GALNT9: variants seen among roughly 807,000 people sequenced by gnomAD.
The protein encoded by GALNT9 is polypeptide N-acetylgalactosaminyltransferase 9.
GALNT9 carries 47 observed loss-of-function variants against 63.1 expected under a neutral mutation model. That is an observed-to-expected ratio of 0.75 (90% CI 0.59 to 0.95). The LOEUF is 0.95. GALNT9 is among the 40% of genes least tolerant of loss of function. GALNT9 has a pLI of 0.00. For synonymous variants in GALNT9, 396 were observed against 365.7 expected (o/e 1.08, Z -0.94); for missense variants, 829 against 874.8 (o/e 0.95, Z 0.66).
In GALNT9 at chr12:132,329,457, C is replaced by T. The variant is rs1398816922; in HGVS notation, c.-254G>A. ...GCATCCCCCGCTCAGAGGGCGCGGCCCCGCCCCGGGGAGCGGTGAGGGGGG... is the reference window on the plus strand; with the variant it reads ...GCATCCCCCGCTCAGAGGGCGCGGCTCCGCCCCGGGGAGCGGTGAGGGGGG... On this transcript the variant is annotated 5_prime_UTR_variant, in exon 1 of 11. Coordinates refer to ENST00000328957, the MANE Select transcript of GALNT9 (RefSeq NM_001122636.2). 1.7e-5 allele frequency: 4 copies of T among 233,930 alleles called. No individual in the cohort carries two copies. Among genetic ancestry groups the T allele is most frequent in the Non-Finnish European group, 1.5e-5 (2 of 135,928 alleles). The allele number at this position is 233,930 out of a possible 1,614,324, so 14.5% of individuals were successfully genotyped here. A position where few individuals can be genotyped will look rare whatever the true frequency, so the allele number is the denominator to read the frequency against.
chr12:132,300,687 T>C (rs181941357), intron 1 of GALNT9, among the ~76,000 whole-genome samples: 10 of 124,822 alleles, frequency 8.0e-5, no homozygotes, highest in African/African-American at 2.6e-4. Flanking sequence ...CTGAGATAAC[T>C]CACTCCCATA....
chr12:132,319,553 G>A lies in GALNT9; in HGVS notation c.238+9413C>T, dbSNP rs1384625836. ...GGCCTCTTGGTCTGCACAGTCACGG[G>A]AGCCAATCCTCACCCTACATCTCCT... On this transcript the variant is annotated intron_variant, in intron 1 of 10. Transcript: ENST00000328957. The surrounding 1 kb of genome is among the most constrained non-coding windows in gnomAD (Gnocchi z 5.2). 1.3e-5 allele frequency among the ~76,000 whole-genome samples: 2 copies of A among 152,172 alleles called. No individual in the cohort carries two copies. The highest frequency in any genetic ancestry group is 4.8e-5 in the African/African-American group (2 of 41,446).
chr12:132,303,586 C>T (rs1881413075), intron 1 of GALNT9, among the ~76,000 whole-genome samples: 1 of 130,918 alleles, frequency 7.6e-6, no homozygotes, highest in Non-Finnish European at 1.6e-5. Context: ...GGCACACCCT[C>T]GCCCGGGCAC....
intron 5 of GALNT9, among the ~76,000 whole-genome samples, chr12:132,251,622 C>T (rs1022565406): frequency 1.3e-5 from 2 of 152,228 alleles, no homozygotes; most frequent in Non-Finnish European, 2.9e-5. Context: ...GTTCTTTGTT[C>T]CTCGGGTGAA....
At chr12:132,211,133 T>A (rs1456284997) in intron 6 of GALNT9, among the ~76,000 whole-genome samples, 2 of 152,138 alleles carry the variant, frequency 1.3e-5, no homozygotes, top group Non-Finnish European at 2.9e-5. Context: ...CTGCAAAGTT[T>A]TGCCTCATCC....
intron 6 of GALNT9, among the ~76,000 whole-genome samples, chr12:132,227,939 C>T (rs1162508736): frequency 6.6e-6 from 1 of 152,164 alleles, no homozygotes; most frequent in East Asian, 1.9e-4. Flanking sequence ...CCATCTGTCT[C>T]CTCCCTGCAG....
At chr12:132,207,350 G>A (rs552818903) in intron 6 of GALNT9, among the ~76,000 whole-genome samples, 13 of 152,334 alleles carry the variant, frequency 8.5e-5, no homozygotes, top group Admixed American at 3.3e-4. Flanking sequence ...AAATAGCTGC[G>A]GAACGAATGT....
At chr12:132,309,567 G>A (rs1881739462) in intron 1 of GALNT9, among the ~76,000 whole-genome samples, 1 of 152,154 alleles carries the variant, frequency 6.6e-6, no homozygotes, top group Non-Finnish European at 1.5e-5. Flanking sequence ...GAGAGGGCTC[G>A]GATAGTCACA....
chr12:132,210,833 C>G (rs540957235), intron 6 of GALNT9, among the ~76,000 whole-genome samples: 41 of 111,240 alleles, frequency 3.7e-4, no homozygotes, highest in Non-Finnish European at 6.8e-4. Context: ...GTCTGGAGGT[C>G]GCCGTCTGGA....
chr12:132,328,180 G>T (rs1425744389), intron 1 of GALNT9, among the ~76,000 whole-genome samples: 1 of 152,336 alleles, frequency 6.6e-6, no homozygotes, highest in East Asian at 1.9e-4. Context: ...CTCAGCAGCT[G>T]TGGCCGCTGG....
chr12:132,296,267 T>C lies in GALNT9; in HGVS notation c.239-9837A>G, dbSNP rs558094727. Among the ~76,000 whole-genome samples the C allele has an allele frequency of 7.4e-4, 112 of 152,364 alleles. 1 individual carries two copies. Among genetic ancestry groups the C allele is most frequent in the Non-Finnish European group, 1.4e-3 (96 of 68,038 alleles). ...GATCTGTCACGGCAGCCCCAAGAGA[T>C]GACCGCACAGCCTCATGCTCACGCC... On this transcript the variant is annotated intron_variant, in intron 1 of 10. Transcript: ENST00000328957. This position sits in a 1 kb window ranked among gnomAD's most constrained non-coding sequence, Gnocchi z 4.2.
chr12:132,250,625 A>G (rs1555238452), intron 5 of GALNT9, among the ~76,000 whole-genome samples: 1 of 152,196 alleles, frequency 6.6e-6, no homozygotes. Context: ...CTCCATCTCT[A>G]CTAAAAATAC....
At chr12:132,223,248 A>G (rs1383489562) in intron 6 of GALNT9, among the ~76,000 whole-genome samples, 1 of 60,850 alleles carries the variant, frequency 1.6e-5, no homozygotes, top group Non-Finnish European at 3.3e-5. Context: ...CCCACACCCC[A>G]CATACACCCC....
In GALNT9 at chr12:132,252,786, G is replaced by A. The variant is rs1383291681; in HGVS notation, c.960-4759C>T. 2.0e-5 allele frequency among the ~76,000 whole-genome samples: 3 copies of A among 152,174 alleles called. No homozygotes were observed. The highest frequency in any genetic ancestry group is 7.2e-5 in the African/African-American group (3 of 41,430). On this transcript the variant is annotated intron_variant, in intron 5 of 10. Transcript: ENST00000328957. The surrounding 1 kb of genome is among the most constrained non-coding windows in gnomAD (Gnocchi z 5.2). ...TAATCCCAGCTACTAGGGAGGCTGA[G>A]GCAGGAGAATCGCTTGAACCTGGGA... is the stretch of plus-strand genomic sequence containing the variant.
intron 8 of GALNT9, chr12:132,200,921 G>A (rs1876022048): frequency 3.5e-6 from 2 of 577,460 alleles, no homozygotes; most frequent in South Asian, 4.2e-5. Context: ...GTGTGCACGT[G>A]GATGTGCCTG....
At chr12:132,291,405 A>G (rs1555242740) in intron 1 of GALNT9, among the ~76,000 whole-genome samples, 1 of 117,992 alleles carries the variant, frequency 8.5e-6, no homozygotes, top group Non-Finnish European at 1.7e-5. Context: ...CCACGTCCAC[A>G]GCGCACACGT....
rs782550499 is a variant in GALNT9 at position 132,279,644 on chromosome 12, C to G, written c.419+6606G>C. ...GGTTTCTTCTCTCCAGAGTTACTGT[C>G]CCTACCCCCTGTCCTCTCTCTGCAG... On this transcript the variant is annotated intron_variant, in intron 2 of 10. Coordinates refer to ENST00000328957, the MANE Select transcript of GALNT9 (RefSeq NM_001122636.2). This position sits in a 1 kb window ranked among gnomAD's most constrained non-coding sequence, Gnocchi z 4.1. The G allele has an allele frequency of 6.6e-6, 1 of 152,498 alleles. No homozygotes were observed. The highest frequency in any genetic ancestry group is 1.5e-5 in the Non-Finnish European group (1 of 68,248). 9.4% of individuals were successfully genotyped at this position (152,498 alleles called of 1,614,324 possible).
intron 1 of GALNT9, among the ~76,000 whole-genome samples, chr12:132,321,878 C>T (rs1246718370): frequency 2.0e-5 from 3 of 152,094 alleles, no homozygotes; most frequent in Admixed American, 1.3e-4. Context: ...GGATGTCAGG[C>T]GCGCAGGGCC....
At chr12:132,295,376 T>C (rs575103037) in intron 1 of GALNT9, among the ~76,000 whole-genome samples, 3 of 152,158 alleles carry the variant, frequency 2.0e-5, no homozygotes, top group African/African-American at 7.2e-5. Flanking sequence ...CTGTTGTGGG[T>C]TGAATTGTGT....
Sources: allele counts gnomAD v4.1 joint callset (sites outside exome capture counted in the v4.1 genomes callset), GRCh38; gene constraint gnomAD v4.1.1; non-coding constraint Gnocchi (gnomAD v3.1); transcripts MANE v1.5; gene names NCBI Gene and HGNC (gene_info 2026-07-23, HGNC 2026-07-21).